TRAPPC9: variants seen among roughly 807,000 people sequenced by gnomAD.
The protein encoded by TRAPPC9 is IKK2 binding protein.
Under a neutral mutation model 124.0 loss-of-function variants are expected in TRAPPC9, and 83 were observed. The ratio of observed to expected loss-of-function variants is 0.67; its 90% CI spans 0.56 to 0.80. TRAPPC9 has a LOEUF of 0.80. Among genes scored for constraint, TRAPPC9 ranks in the 30% least tolerant of loss-of-function variants. TRAPPC9 has a pLI of 0.00. For missense variants in TRAPPC9, 1,302 were observed against 1,508.3 expected, an observed-to-expected ratio of 0.86 and a Z score of 2.27; for synonymous variants, 638 against 617.5, an observed-to-expected ratio of 1.03 and a Z score of -0.49.
intron 17 of TRAPPC9, among the ~76,000 whole-genome samples, chr8:140,044,908 A>G (rs1012946546): frequency 3.3e-5 from 5 of 152,234 alleles, no homozygotes; most frequent in African/African-American, 4.8e-5. Flanking sequence ...ACTTACACGC[A>G]GTAATATAGT....
intron 9 of TRAPPC9, among the ~76,000 whole-genome samples, chr8:140,318,168 G>A (rs139613146): frequency 2.0e-3 from 310 of 152,210 alleles, no homozygotes; most frequent in Admixed American, 8.7e-3. Flanking sequence ...CACTGAATCC[G>A]GGTGATGGAT....
At chr8:139,915,368 T>G (rs189510141) in intron 19 of TRAPPC9, among the ~76,000 whole-genome samples, 1,794 of 152,280 alleles carry the variant, frequency 0.012, 36 homozygotes, top group African/African-American at 0.041. Context: ...TGCCTCAGCC[T>G]CCCGAGTAGC....
At chr8:139,893,270 G>A (rs1204821661) in intron 20 of TRAPPC9, among the ~76,000 whole-genome samples, 1 of 152,174 alleles carries the variant, frequency 6.6e-6, no homozygotes, top group Non-Finnish European at 1.5e-5. Context: ...GCGTGCCGCA[G>A]ACCTGGACGC....
Position 140,126,229 on chromosome 8 carries a change from C to T in TRAPPC9, c.2556+95230G>A, listed in dbSNP as rs558632195. On this transcript the variant is annotated intron_variant, in intron 17 of 22. Coordinates refer to ENST00000438773, the MANE Select transcript of TRAPPC9 (RefSeq NM_001160372.4). ...TAGCTCTTCTCCTGGCTCTCCAATGCGGGGTATCCACTGAGATGGCCAGGG... is the reference window on the plus strand; with the variant it reads ...TAGCTCTTCTCCTGGCTCTCCAATGTGGGGTATCCACTGAGATGGCCAGGG... 4.6e-5 allele frequency among the ~76,000 whole-genome samples: 7 copies of T among 152,106 alleles called. No individual in the cohort carries two copies. The East Asian group carries it at 9.7e-4, about 21-fold the overall frequency.
chr8:140,202,934 A>C (rs2131181600), intron 17 of TRAPPC9, among the ~76,000 whole-genome samples: 1 of 152,376 alleles, frequency 6.6e-6, no homozygotes, highest in Non-Finnish European at 1.5e-5. Context: ...TAAAACAACT[A>C]GACAAATCCA....
At chr8:139,789,747 G>C (rs1822524225) in intron 21 of TRAPPC9, among the ~76,000 whole-genome samples, 1 of 152,196 alleles carries the variant, frequency 6.6e-6, no homozygotes, top group Non-Finnish European at 1.5e-5. Context: ...GGTCCCAGGG[G>C]AAGGCCAGGT....
intron 17 of TRAPPC9, among the ~76,000 whole-genome samples, chr8:140,107,044 G>A (rs759290367): frequency 1.3e-5 from 2 of 152,186 alleles, no homozygotes; most frequent in Non-Finnish European, 2.9e-5. Flanking sequence ...GAGATTTTGC[G>A]TGTGTGTCCT....
chr8:140,407,264 T>A, intron 5 of TRAPPC9, among the ~76,000 whole-genome samples: 1 of 152,166 alleles, frequency 6.6e-6, no homozygotes, highest in East Asian at 1.9e-4. Flanking sequence ...ACGACAGAAG[T>A]GTAGTGCTTT....
At chr8:140,446,032 C>CA (rs1342386865) in intron 2 of TRAPPC9, among the ~76,000 whole-genome samples, 2 of 152,172 alleles carry the variant, frequency 1.3e-5, no homozygotes, top group Non-Finnish European at 2.9e-5. Flanking sequence ...GTGGCTCATG[C>CA]CTATAATCCC....
Position 139,772,737 on chromosome 8 carries a change from TG to T in TRAPPC9, c.3056-40536del, listed in dbSNP as rs1441619278. Reference sequence around the variant, plus strand: ...TGAATTGTGACTCCAAAAATTCCCATGTTGAAGCCCTAAAGCCCAGTACAAT... The same window carrying T: ...TGAATTGTGACTCCAAAAATTCCCATTTGAAGCCCTAAAGCCCAGTACAAT... On this transcript the variant is annotated intron_variant, in intron 21 of 22. Transcript: ENST00000438773. 1.7e-4 allele frequency among the ~76,000 whole-genome samples: 26 copies of T among 152,178 alleles called. 1 individual carries two copies. Among genetic ancestry groups the T allele is most frequent in the African/African-American group, 5.3e-4 (22 of 41,442 alleles).
intron 21 of TRAPPC9, among the ~76,000 whole-genome samples, chr8:139,738,259 G>T (rs140695592): frequency 6.6e-6 from 1 of 152,198 alleles, no homozygotes; most frequent in Non-Finnish European, 1.5e-5. Context: ...ACTAAAGGTC[G>T]AAACATGCCT....
intron 21 of TRAPPC9, among the ~76,000 whole-genome samples, chr8:139,737,638 C>G (rs1017935896): frequency 6.6e-6 from 1 of 152,202 alleles, no homozygotes; most frequent in Non-Finnish European, 1.5e-5. Flanking sequence ...CTCTCCCAGG[C>G]GGGATGGGGC....
intron 2 of TRAPPC9, among the ~76,000 whole-genome samples, chr8:140,444,586 A>G (rs1158873888): frequency 2.0e-5 from 3 of 152,086 alleles, no homozygotes; most frequent in Non-Finnish European, 4.4e-5. Context: ...CCCAGTCAGG[A>G]GCAGTGGCTC....
At chr8:140,226,591 CAA>C (rs35750675) in intron 16 of TRAPPC9, among the ~76,000 whole-genome samples, 58 of 103,272 alleles carry the variant, frequency 5.6e-4, no homozygotes, top group Admixed American at 8.7e-4. Context: ...GACTCGGTCT[CAA>C]AAAAAAAAAA....
chr8:140,417,659 C>T (rs2069989022), intron 5 of TRAPPC9, among the ~76,000 whole-genome samples: 1 of 152,174 alleles, frequency 6.6e-6, no homozygotes, highest in African/African-American at 2.4e-5. Flanking sequence ...GTAGCGATTC[C>T]TCAAGGATCT....
Position 139,910,515 on chromosome 8 carries a change from G to T in TRAPPC9, c.2811-215C>A, listed in dbSNP as rs1189219925. ...CACACAATTTGGAGCTGAAGACACA[G>T]TCATTGCTTCAAACCTCTGGGAAGA... On this transcript the variant is annotated intron_variant, in intron 19 of 22. Transcript: ENST00000438773. 2.6e-5 allele frequency among the ~76,000 whole-genome samples: 4 copies of T among 152,332 alleles called. No homozygotes were observed. In the East Asian group the frequency reaches 7.7e-4, roughly 29 times the overall value.
intron 21 of TRAPPC9, among the ~76,000 whole-genome samples, chr8:139,865,536 T>G (rs954420292): frequency 6.6e-6 from 1 of 152,034 alleles, no homozygotes; most frequent in African/African-American, 2.4e-5. Flanking sequence ...AAAGGTATGT[T>G]TGAGACCAGG....
chr8:140,376,735 G>T (rs907364166), intron 7 of TRAPPC9, among the ~76,000 whole-genome samples: 1 of 151,734 alleles, frequency 6.6e-6, no homozygotes, highest in Admixed American at 6.6e-5. Flanking sequence ...AATTAGCCGG[G>T]CGTGATGGTG....
At chr8:140,200,432 GA>G (rs1356914464) in intron 17 of TRAPPC9, among the ~76,000 whole-genome samples, 1 of 152,104 alleles carries the variant, frequency 6.6e-6, no homozygotes, top group African/African-American at 2.4e-5. Context: ...CCCAGGAAGA[GA>G]ATATAGAAAG....
Sources: allele counts gnomAD v4.1 joint callset (sites outside exome capture counted in the v4.1 genomes callset), GRCh38; gene constraint gnomAD v4.1.1; transcripts MANE v1.5; gene names NCBI Gene and HGNC (gene_info 2026-07-23, HGNC 2026-07-21).